Variants in PDE11A observed in about 807,000 individuals in gnomAD.
The protein encoded by PDE11A is phosphodiesterase 11A.
A neutral mutation model predicts 100.5 loss-of-function variants in PDE11A; 100 were observed. That is an observed-to-expected ratio of 1.00 (90% CI 0.85 to 1.18). PDE11A has a LOEUF of 1.18. PDE11A is among the 50% of genes most tolerant of loss of function. The pLI, the probability that PDE11A is intolerant of heterozygous loss-of-function variation, is 0.00. For synonymous variants in PDE11A, 381 were observed against 420.8 expected (o/e 0.91, Z 1.16); for missense variants, 1,141 against 1,152.6 (o/e 0.99, Z 0.15).
chr2:178,056,470 C>T (rs141583901), intron 1 of PDE11A, among the ~76,000 whole-genome samples: 2 of 152,250 alleles, frequency 1.3e-5, no homozygotes, highest in East Asian at 3.9e-4. Flanking sequence ...CTGGATATTG[C>T]ATACCAAGTG....
intron 9 of PDE11A, among the ~76,000 whole-genome samples, chr2:177,798,058 T>C (rs1005329641): frequency 3.3e-5 from 5 of 152,168 alleles, no homozygotes. Flanking sequence ...TGTGCCCTTT[T>C]CCCTGTCTGC....
At chr2:177,924,479 C>T (rs1407082177) in intron 2 of PDE11A, among the ~76,000 whole-genome samples, 1 of 152,132 alleles carries the variant, frequency 6.6e-6, no homozygotes, top group Non-Finnish European at 1.5e-5. Flanking sequence ...TTATTCATGG[C>T]CACGAGAGCT....
chr2:177,941,336 G>C (rs2085343419), intron 2 of PDE11A, among the ~76,000 whole-genome samples: 1 of 152,058 alleles, frequency 6.6e-6, no homozygotes, highest in Non-Finnish European at 1.5e-5. Flanking sequence ...CCCTTTATCA[G>C]TTAAATTCCT....
intron 15 of PDE11A, among the ~76,000 whole-genome samples, chr2:177,695,678 A>G (rs962005814): frequency 2.0e-5 from 3 of 152,162 alleles, no homozygotes; most frequent in Non-Finnish European, 4.4e-5. Flanking sequence ...TCCAGAGGAT[A>G]CATTTCTGGC....
At chr2:177,772,291 A>C (rs2082322004) in intron 9 of PDE11A, among the ~76,000 whole-genome samples, 1 of 152,166 alleles carries the variant, frequency 6.6e-6, no homozygotes, top group African/African-American at 2.4e-5. Context: ...TATTCTATGG[A>C]GTGGGCCTGT....
intron 6 of PDE11A, among the ~76,000 whole-genome samples, chr2:177,822,567 T>C (rs1440571435): frequency 6.6e-6 from 1 of 152,106 alleles, no homozygotes; most frequent in Non-Finnish European, 1.5e-5. Flanking sequence ...GTCTTGACTA[T>C]TTTTGACCTC....
At chr2:177,782,826 TTTTC>T (rs1179875759) in intron 9 of PDE11A, among the ~76,000 whole-genome samples, 1 of 152,012 alleles carries the variant, frequency 6.6e-6, no homozygotes, top group Non-Finnish European at 1.5e-5. Flanking sequence ...TCTCCCTTTC[TTTTC>T]TTTCTTTCCT....
chr2:178,071,671 T>G lies in PDE11A; in HGVS notation c.767A>C (p.Lys256Thr), dbSNP rs755740310. Reference protein sequence around the residue: ...AAAGKKTLVSKFFDVHAGTPL... With the variant: ...AAAGKKTLVSTFFDVHAGTPL... ...TGTTCCTGCATGCACATCAAAGAAT[T>G]TGGAGACCAAGGTCTTCTTGCCAGC... Residue 256 changes from lysine (K) to threonine (T), a missense_variant, in exon 1 of 20, where the codon AAA becomes ACA. Transcript: ENST00000286063. 11 of 1,613,682 alleles carry G rather than the reference T, an allele frequency of 6.8e-6. No individual in the cohort carries two copies. In the South Asian group the frequency reaches 1.2e-4, roughly 18 times the overall value.
intron 10 of PDE11A, among the ~76,000 whole-genome samples, chr2:177,747,071 A>T (rs896671840): frequency 1.1e-4 from 16 of 152,166 alleles, no homozygotes; most frequent in African/African-American, 3.9e-4. Flanking sequence ...TGTCAGCTGG[A>T]TAGAGGCCAG....
intron 12 of PDE11A, among the ~76,000 whole-genome samples, chr2:177,725,689 C>T (rs572924205): frequency 6.6e-6 from 1 of 152,126 alleles, no homozygotes; most frequent in Non-Finnish European, 1.5e-5. Context: ...GAATTCTATT[C>T]TCTTCAATTT....
At chr2:178,001,876 G>A (rs1262822482) in intron 2 of PDE11A, among the ~76,000 whole-genome samples, 2 of 152,106 alleles carry the variant, frequency 1.3e-5, no homozygotes, top group African/African-American at 4.8e-5. Context: ...TTTATGTGTG[G>A]CAGGATTTGG....
chr2:177,706,655 T>C (rs899637688), intron 13 of PDE11A, among the ~76,000 whole-genome samples: 1 of 152,150 alleles, frequency 6.6e-6, no homozygotes, highest in African/African-American at 2.4e-5. Context: ...AGTGCAAAAA[T>C]GACTCCATAA....
intron 1 of PDE11A, among the ~76,000 whole-genome samples, chr2:178,038,340 G>C (rs2086642969): frequency 6.7e-6 from 1 of 149,946 alleles, no homozygotes. Context: ...TGTCACTAGA[G>C]AGTAGTTTGC....
chr2:178,057,637 TCA>T (rs982499788), intron 1 of PDE11A, among the ~76,000 whole-genome samples: 1 of 152,132 alleles, frequency 6.6e-6, no homozygotes, highest in Non-Finnish European at 1.5e-5. Context: ...ACCACTGGAG[TCA>T]CAGTCTTTCT....
Position 177,747,687 on chromosome 2 carries a change from T to C in PDE11A, c.1789-19515A>G, listed in dbSNP as rs887382381. On this transcript the variant is annotated intron_variant, in intron 10 of 19. Transcript: ENST00000286063. Reference sequence around the variant, plus strand: ...AATGCTGAAGTTTCCATTTTGAATTTTGGGTTCTCAGGCAACATATGGCCT... The same window carrying C: ...AATGCTGAAGTTTCCATTTTGAATTCTGGGTTCTCAGGCAACATATGGCCT... Among the ~76,000 whole-genome samples the C allele has an allele frequency of 3.3e-5, 5 of 152,346 alleles. No homozygotes were observed. The East Asian group carries it at 9.6e-4, about 29-fold the overall frequency.
At chr2:178,103,523 C>T (rs1396096539) in intron 2 of PDE11A, among the ~76,000 whole-genome samples, 12 of 151,814 alleles carry the variant, frequency 7.9e-5, no homozygotes, top group Non-Finnish European at 1.6e-4. Context: ...ATAAATTTCA[C>T]TTCAATAAAA....
At chr2:178,078,997 T>C (rs887315632) in intron 2 of PDE11A, among the ~76,000 whole-genome samples, 2 of 152,174 alleles carry the variant, frequency 1.3e-5, no homozygotes, top group Admixed American at 6.5e-5. Flanking sequence ...AATTCTATTT[T>C]CTAAAAATCA....
At chr2:177,925,661 C>T (rs577761242) in intron 2 of PDE11A, among the ~76,000 whole-genome samples, 6 of 152,180 alleles carry the variant, frequency 3.9e-5, no homozygotes, top group Admixed American at 2.0e-4. Flanking sequence ...CAAAGGAAAA[C>T]GTGGGGCAGA....
chr2:177,843,967 AG>A lies in PDE11A; in HGVS notation c.1368-3585del, dbSNP rs147017956. 3.7e-3 allele frequency among the ~76,000 whole-genome samples: 569 copies of A among 152,284 alleles called. 4 individuals are homozygous for A. The highest frequency in any genetic ancestry group is 0.013 in the African/African-American group (542 of 41,556). ...AGGTGAGATTCAAACTGACCTATAT[AG>A]GTCAGTGCAACAGTGCAAACAGATT... is the stretch of plus-strand genomic sequence containing the variant. On this transcript the variant is annotated intron_variant, in intron 5 of 19. Transcript: ENST00000286063.
Sources: gnomAD v4.1 joint callset for allele counts (sites outside exome capture counted in the v4.1 genomes callset) on GRCh38, gnomAD v4.1.1 for gene constraint, MANE v1.5 for transcripts, NCBI Gene and HGNC (gene_info 2026-07-23, HGNC 2026-07-21) for gene names.